SMYD3: variants seen among roughly 807,000 people sequenced by gnomAD.
SMYD3 encodes the protein histone-lysine N-methyltransferase SMYD3.
In SMYD3, 36 loss-of-function variants were observed where a neutral mutation model predicts 57.7. The observed-to-expected ratio is 0.62, with a 90% confidence interval of 0.48 to 0.82. The LOEUF (loss-of-function observed/expected upper bound fraction) is 0.82, where lower values mean the gene tolerates loss of function less well. Ranked by LOEUF, SMYD3 falls within the 40% of genes least tolerant of loss-of-function variation. SMYD3 has a pLI of 0.00. For missense variants in SMYD3, 515 were observed against 538.8 expected (o/e 0.96, Z 0.44); for synonymous variants, 211 against 195.0 (o/e 1.08, Z -0.68).
chr1:246,223,114 A>C (rs1281224123), intron 5 of SMYD3, among the ~76,000 whole-genome samples: 1 of 150,888 alleles, frequency 6.6e-6, no homozygotes, highest in African/African-American at 2.5e-5. Context: ...CCATCTGCCC[A>C]ACTCCTTTGA....
intron 5 of SMYD3, among the ~76,000 whole-genome samples, chr1:245,970,100 G>C (rs1415627646): frequency 6.6e-6 from 1 of 152,192 alleles, no homozygotes; most frequent in East Asian, 1.9e-4. Flanking sequence ...CATGGTACTG[G>C]TACCAAAACA....
At chr1:246,196,009 A>G (rs1437144803) in intron 5 of SMYD3, among the ~76,000 whole-genome samples, 1 of 152,200 alleles carries the variant, frequency 6.6e-6, no homozygotes, top group Non-Finnish European at 1.5e-5. Context: ...AAAGCTAGTG[A>G]AAATCAATTT....
intron 1 of SMYD3, among the ~76,000 whole-genome samples, chr1:246,404,169 C>G (rs1378922561): frequency 6.6e-6 from 1 of 152,198 alleles, no homozygotes; most frequent in East Asian, 1.9e-4. Flanking sequence ...AAAAGCTTTA[C>G]ACATACCCTG....
chr1:245,789,309 G>A (rs2047172762), intron 10 of SMYD3, among the ~76,000 whole-genome samples: 1 of 152,180 alleles, frequency 6.6e-6, no homozygotes, highest in Non-Finnish European at 1.5e-5. Flanking sequence ...GTTGCACAGA[G>A]GAACAGGGCC....
chr1:246,064,606 T>C (rs1280524755), intron 5 of SMYD3, among the ~76,000 whole-genome samples: 2 of 152,214 alleles, frequency 1.3e-5, no homozygotes, highest in East Asian at 3.9e-4. Flanking sequence ...CAGTCTATTT[T>C]ATTGATCTAT....
chr1:246,421,011 A>G (rs2067135645), intron 1 of SMYD3, among the ~76,000 whole-genome samples: 1 of 152,210 alleles, frequency 6.6e-6, no homozygotes, highest in South Asian at 2.1e-4. Context: ...AATAAACTCT[A>G]AACTCCTCAA....
chr1:245,955,651 G>A (rs2057817395), intron 5 of SMYD3, among the ~76,000 whole-genome samples: 1 of 151,986 alleles, frequency 6.6e-6, no homozygotes, highest in African/African-American at 2.4e-5. Flanking sequence ...AATCTACTGT[G>A]CCTAAGTTAT....
At chr1:246,266,446 T>A (rs1292147475) in intron 5 of SMYD3, among the ~76,000 whole-genome samples, 1 of 152,074 alleles carries the variant, frequency 6.6e-6, no homozygotes, top group Admixed American at 6.6e-5. Context: ...AATGTTTTGG[T>A]ATGCCGATAG....
At chr1:246,132,932 G>A (rs1246782789) in intron 5 of SMYD3, among the ~76,000 whole-genome samples, 1 of 151,988 alleles carries the variant, frequency 6.6e-6, no homozygotes, top group Admixed American at 6.6e-5. Flanking sequence ...CCATAATGAG[G>A]TTGCCACTTC....
At chr1:246,378,752 TA>T (rs1163609808) in intron 1 of SMYD3, among the ~76,000 whole-genome samples, 1 of 113,256 alleles carries the variant, frequency 8.8e-6, no homozygotes, top group African/African-American at 3.9e-5. Flanking sequence ...TTATATATAA[TA>T]TATTTAATAT....
At chr1:245,920,178 T>A (rs2055788629) in intron 7 of SMYD3, among the ~76,000 whole-genome samples, 1 of 151,982 alleles carries the variant, frequency 6.6e-6, no homozygotes, top group Non-Finnish European at 1.5e-5. Flanking sequence ...CCAGGCGTGG[T>A]GGCGGGCGCC....
At chr1:246,078,662 GA>G (rs2060586638) in intron 5 of SMYD3, among the ~76,000 whole-genome samples, 1 of 152,194 alleles carries the variant, frequency 6.6e-6, no homozygotes, top group African/African-American at 2.4e-5. Context: ...TGCAAGCACA[GA>G]AGCCATTAAG....
chr1:246,205,985 T>C (rs1317918812), intron 5 of SMYD3, among the ~76,000 whole-genome samples: 4 of 152,168 alleles, frequency 2.6e-5, no homozygotes, highest in African/African-American at 9.7e-5. Context: ...ACTGGTGTGA[T>C]GAATTACCCA....
chr1:246,422,681 C>G (rs2067160635), intron 1 of SMYD3, among the ~76,000 whole-genome samples: 2 of 152,194 alleles, frequency 1.3e-5, no homozygotes, highest in African/African-American at 4.8e-5. Context: ...CTGAGCCTCC[C>G]AAAGTGCTGG....
intron 1 of SMYD3, among the ~76,000 whole-genome samples, chr1:246,399,463 T>C (rs976396273): frequency 6.6e-6 from 1 of 152,144 alleles, no homozygotes; most frequent in Non-Finnish European, 1.5e-5. Context: ...GCCTCCCAAG[T>C]AGCTGGGACT....
At chr1:246,171,176 T>C (rs1292732152) in intron 5 of SMYD3, among the ~76,000 whole-genome samples, 1 of 152,208 alleles carries the variant, frequency 6.6e-6, no homozygotes, top group Non-Finnish European at 1.5e-5. Context: ...GCTGTCTGTG[T>C]ACAATCAAGA....
rs191959332 is a variant in SMYD3, at chr1:245,884,030, G to A, written c.814-20144C>T. ...TTTATACAGGGATATCCAGGTCAGA[G>A]GATTCCAGAACTTGAGGATTAGGAA... On this transcript the variant is annotated intron_variant, in intron 8 of 11. Transcript: ENST00000490107. Among the ~76,000 whole-genome samples, 330 of 152,248 alleles carry A rather than the reference G, an allele frequency of 2.2e-3. 1 individual carries two copies. The highest frequency in any genetic ancestry group is 3.4e-3 in the Non-Finnish European group (230 of 68,020).
chr1:245,772,931 G>A (rs2046395753), intron 10 of SMYD3, among the ~76,000 whole-genome samples: 1 of 152,014 alleles, frequency 6.6e-6, no homozygotes, highest in Non-Finnish European at 1.5e-5. Context: ...CAACTAATGT[G>A]ATAAGAGATT....
chr1:246,395,583 C>CA (rs1431118657), intron 1 of SMYD3, among the ~76,000 whole-genome samples: 5 of 142,142 alleles, frequency 3.5e-5, no homozygotes, highest in Admixed American at 2.7e-4. Flanking sequence ...CGAGTGGACC[C>CA]CCACGGTCAG....
Sources: allele counts gnomAD v4.1 joint callset (sites outside exome capture counted in the v4.1 genomes callset), GRCh38; gene constraint gnomAD v4.1.1; transcripts MANE v1.5; gene names NCBI Gene and HGNC (gene_info 2026-07-23, HGNC 2026-07-21).